Variants in MYO3A observed in about 807,000 individuals in gnomAD.
MYO3A encodes the protein myosin-IIIa.
Under a neutral mutation model 192.7 loss-of-function variants are expected in MYO3A, and 180 were observed. The observed-to-expected ratio is 0.93, with a 90% CI of 0.83 to 1.06. The LOEUF (loss-of-function observed/expected upper bound fraction) is 1.06, where lower values mean the gene tolerates loss of function less well. Among genes scored for constraint, MYO3A ranks in the 50% least tolerant of loss-of-function variants. MYO3A has a pLI of 0.00. For missense variants in MYO3A, 1,896 were observed against 1,905.0 expected (o/e 1.00, Z 0.09); for synonymous variants, 628 against 645.3 (o/e 0.97, Z 0.41).
chr10:25,988,125 A>G (rs1839767859), intron 4 of MYO3A, among the ~76,000 whole-genome samples: 1 of 152,172 alleles, frequency 6.6e-6, no homozygotes, highest in Admixed American at 6.5e-5. Flanking sequence ...AAAACCAAAC[A>G]TCATATATTC....
intron 2 of MYO3A, among the ~76,000 whole-genome samples, chr10:25,947,389 C>CTTTTTTTTTTTTTTTT (rs869281200): frequency 1.1e-5 from 1 of 91,856 alleles, no homozygotes; most frequent in African/African-American, 4.2e-5. Flanking sequence ...TTTTCTTTTT[C>CTTTTTTTTTTTTTTTT]TTTTTTTTTT....
chr10:26,037,784 G>A (rs574472174), intron 10 of MYO3A, among the ~76,000 whole-genome samples: 4 of 152,134 alleles, frequency 2.6e-5, no homozygotes, highest in East Asian at 1.9e-4. Flanking sequence ...CGAAAGGGAA[G>A]CAAGCACATC....
chr10:26,202,410 A>G (rs1843718016), intron 33 of MYO3A, among the ~76,000 whole-genome samples: 1 of 152,242 alleles, frequency 6.6e-6, no homozygotes, highest in African/African-American at 2.4e-5. Flanking sequence ...AAGAATTAAC[A>G]TGGGCAAGGA....
intron 6 of MYO3A, among the ~76,000 whole-genome samples, chr10:26,010,755 C>T (rs143487759): frequency 6.6e-6 from 1 of 152,136 alleles, no homozygotes; most frequent in Non-Finnish European, 1.5e-5. Flanking sequence ...AGCCACCGCA[C>T]CCCGCCAAGA....
rs573334201 is a variant in MYO3A at position 26,062,515 on chromosome 10, C to CAAAAAAAAAAAAAAAAAAAA, written c.954-4442_954-4441insAAAAAAAAAAAAAAAAAAAA. On this transcript the variant is annotated intron_variant, in intron 10 of 34. Coordinates refer to ENST00000642920, the MANE Select transcript of MYO3A (RefSeq NM_017433.5). Reference sequence around the variant, plus strand: ...CTGGCGACAGAGTGAGATGCCATCTCAAAAAAAAAAAAAAAAAATTATGGA... The same window carrying CAAAAAAAAAAAAAAAAAAAA: ...CTGGCGACAGAGTGAGATGCCATCTCAAAAAAAAAAAAAAAAAAAAAAAAAAAAAAAAAAAAAATTATGGA... Among the ~76,000 whole-genome samples, 6 of 42,214 alleles carry CAAAAAAAAAAAAAAAAAAAA rather than the reference C, an allele frequency of 1.4e-4. 2 individuals are homozygous for CAAAAAAAAAAAAAAAAAAAA. Among genetic ancestry groups the CAAAAAAAAAAAAAAAAAAAA allele is most frequent in the Non-Finnish European group, 6.2e-5 (1 of 16,018 alleles). The allele number at this position is 42,214 out of a possible 152,430, so 27.7% of individuals were successfully genotyped here. A position where few individuals can be genotyped will look rare whatever the true frequency, so the allele number is the denominator to read the frequency against.
intron 10 of MYO3A, among the ~76,000 whole-genome samples, chr10:26,064,484 A>G (rs1834693087): frequency 6.6e-6 from 1 of 152,170 alleles, no homozygotes; most frequent in African/African-American, 2.4e-5. Flanking sequence ...ATGGTAAGGC[A>G]TTGGATATTC....
At chr10:26,156,819 T>C (rs1452614614) in intron 25 of MYO3A, among the ~76,000 whole-genome samples, 1 of 152,222 alleles carries the variant, frequency 6.6e-6, no homozygotes, top group Admixed American at 6.5e-5. Context: ...CCGTTAGTTA[T>C]GTTTCCTGAT....
intron 10 of MYO3A, among the ~76,000 whole-genome samples, chr10:26,030,266 CCT>C (rs1842745044): frequency 6.6e-6 from 1 of 151,928 alleles, no homozygotes; most frequent in Admixed American, 6.6e-5. Context: ...TTTTGTTTGC[CCT>C]GTTAGGTCGT....
intron 34 of MYO3A, among the ~76,000 whole-genome samples, chr10:26,205,488 G>GGT (rs1843878108): frequency 7.2e-6 from 1 of 139,816 alleles, no homozygotes. Context: ...TTGGGGGGGG[G>GGT]CTTCCATGTA....
At chr10:26,092,600 A>G (rs1447233291) in intron 15 of MYO3A, among the ~76,000 whole-genome samples, 1 of 152,226 alleles carries the variant, frequency 6.6e-6, no homozygotes, top group Non-Finnish European at 1.5e-5. Context: ...TGAGGCTGTC[A>G]GAGGCCTTGG....
chr10:26,110,898 T>A (rs1394537857), intron 17 of MYO3A, among the ~76,000 whole-genome samples: 3 of 150,112 alleles, frequency 2.0e-5, no homozygotes, highest in African/African-American at 7.4e-5. Context: ...AGAGATGGGA[T>A]CTCTCTCTGT....
chr10:26,141,053 G>A (rs1043098464), intron 20 of MYO3A, among the ~76,000 whole-genome samples: 2 of 152,008 alleles, frequency 1.3e-5, no homozygotes, highest in African/African-American at 4.8e-5. Context: ...TCAGTCTCCT[G>A]AGTAGCTGGG....
At chr10:26,119,660 G>A (rs1357501154) in intron 17 of MYO3A, among the ~76,000 whole-genome samples, 1 of 152,136 alleles carries the variant, frequency 6.6e-6, no homozygotes, top group African/African-American at 2.4e-5. Context: ...AGTAAAGAAT[G>A]TTGCCTCTTT....
At chr10:26,169,638 G>A (rs567504231) in intron 28 of MYO3A, among the ~76,000 whole-genome samples, 1 of 152,220 alleles carries the variant, frequency 6.6e-6, no homozygotes, top group South Asian at 2.1e-4. Context: ...CTAATATCGT[G>A]GGCAGAGGAG....
chr10:25,952,339 G>C lies in MYO3A; in HGVS notation c.168+61G>C, dbSNP rs539965892. On this transcript the variant is annotated intron_variant, in intron 3 of 34. Coordinates refer to ENST00000642920, the MANE Select transcript of MYO3A (RefSeq NM_017433.5). ...TTTATCTGTATGAAACACTTAAAAA[G>C]ACTGTATTTTATCTTGATTTATTCA... 6.7e-6 allele frequency: 10 copies of C among 1,490,880 alleles called. No homozygotes were observed. In the South Asian group the frequency reaches 9.3e-5, roughly 14 times the overall value. 92.4% of individuals were successfully genotyped at this position (1,490,880 alleles called of 1,614,324 possible). A position where few individuals can be genotyped will look rare whatever the true frequency, so the allele number is the denominator to read the frequency against.
intron 2 of MYO3A, among the ~76,000 whole-genome samples, chr10:25,951,460 G>T (rs1309012915): frequency 6.6e-6 from 1 of 152,162 alleles, no homozygotes; most frequent in Non-Finnish European, 1.5e-5. Context: ...ATTTAGCAAA[G>T]AAGCCACAGG....
intron 2 of MYO3A, among the ~76,000 whole-genome samples, chr10:25,942,322 A>G (rs1316705099): frequency 1.3e-5 from 2 of 152,198 alleles, no homozygotes; most frequent in Non-Finnish European, 2.9e-5. Flanking sequence ...CTGTAGGTGT[A>G]TACAGCATTT....
chr10:26,149,340 T>C (rs560247080), intron 23 of MYO3A, among the ~76,000 whole-genome samples: 117 of 152,222 alleles, frequency 7.7e-4, no homozygotes, highest in African/African-American at 2.7e-3. Flanking sequence ...GTTCAAGAGA[T>C]TCTCCTACTC....
At chr10:26,077,701 C>A (rs185479387) in intron 14 of MYO3A, among the ~76,000 whole-genome samples, 16 of 152,190 alleles carry the variant, frequency 1.1e-4, no homozygotes, top group Non-Finnish European at 1.5e-5. Context: ...GAGTTTTAAT[C>A]ATAAAGTGAT....
Sources: allele counts gnomAD v4.1 joint callset (sites outside exome capture counted in the v4.1 genomes callset), GRCh38; gene constraint gnomAD v4.1.1; transcripts MANE v1.5; gene names NCBI Gene and HGNC (gene_info 2026-07-23, HGNC 2026-07-21).